The following CSMD3 variants were observed in gnomAD, a reference collection of about 807,000 sequenced individuals.
The protein encoded by CSMD3 is CUB and sushi domain-containing protein 3.
Under a neutral mutation model 435.2 loss-of-function variants are expected in CSMD3, and 177 were observed. The ratio of observed to expected loss-of-function variants is 0.41; its 90% confidence interval spans 0.36 to 0.46. CSMD3 has a LOEUF of 0.46. CSMD3 is among the 20% of genes least tolerant of loss of function. The pLI, the probability that CSMD3 is intolerant of heterozygous loss-of-function variation, is 0.34. For missense variants in CSMD3, 4,265 were observed against 4,504.6 expected, an observed-to-expected ratio of 0.95 and a Z score of 1.52; for synonymous variants, 1,656 against 1,520.5, an observed-to-expected ratio of 1.09 and a Z score of -2.07.
chr8:112,244,322 G>A (rs1814476800), intron 65 of CSMD3, 72 bp downstream of exon 65: 1 of 1,329,388 alleles, frequency 7.5e-7, no homozygotes, highest in Admixed American at 1.7e-5. Flanking sequence ...TTTGAGTTGA[G>A]TTTTTGTCTG....
intron 13 of CSMD3, among the ~76,000 whole-genome samples, chr8:112,703,285 G>T (rs571527476): frequency 4.6e-5 from 7 of 152,218 alleles, no homozygotes; most frequent in Non-Finnish European, 1.0e-4. Flanking sequence ...TGCAGGCAAA[G>T]AAATCAGAAG....
chr8:112,575,149 T>C (rs1446246748), intron 23 of CSMD3, among the ~76,000 whole-genome samples: 3 of 152,064 alleles, frequency 2.0e-5, no homozygotes, highest in African/African-American at 7.2e-5. Context: ...GTAACTTTAT[T>C]AGAATTTAAT....
At chr8:112,975,333 C>A (rs1183936595) in intron 7 of CSMD3, among the ~76,000 whole-genome samples, 2 of 152,014 alleles carry the variant, frequency 1.3e-5, no homozygotes, top group Non-Finnish European at 2.9e-5. Flanking sequence ...AAACGATCAC[C>A]AGATATAATG....
chr8:113,269,638 C>G (rs907483457), intron 3 of CSMD3, among the ~76,000 whole-genome samples: 2 of 151,854 alleles, frequency 1.3e-5, no homozygotes, highest in African/African-American at 4.8e-5. Context: ...CAGAACAGAG[C>G]CCTCAGAAAT....
intron 3 of CSMD3, among the ~76,000 whole-genome samples, chr8:113,218,795 T>A (rs1438441552): frequency 2.6e-5 from 4 of 151,310 alleles, no homozygotes; most frequent in Non-Finnish European, 5.9e-5. Flanking sequence ...CAGAAATGCT[T>A]CATATTTCAA....
intron 22 of CSMD3, among the ~76,000 whole-genome samples, chr8:112,630,921 A>G (rs186823424): frequency 1.5e-4 from 23 of 148,490 alleles, no homozygotes; most frequent in Admixed American, 1.4e-3. Flanking sequence ...GAATTATGTT[A>G]CCAACAAACT....
At chr8:112,246,369 G>A (rs964949281) in intron 64 of CSMD3, among the ~76,000 whole-genome samples, 5 of 152,078 alleles carry the variant, frequency 3.3e-5, no homozygotes, top group Admixed American at 3.3e-4. Flanking sequence ...AAACACAATT[G>A]AAAAGATAAG....
intron 4 of CSMD3, among the ~76,000 whole-genome samples, chr8:113,120,778 G>C (rs117800903): frequency 0.013 from 2,048 of 152,094 alleles, 30 homozygotes; most frequent in Non-Finnish European, 0.02. Context: ...ATGTGGTTAG[G>C]GAATACAAAC....
At chr8:113,294,818 C>T (rs903420652) in intron 2 of CSMD3, among the ~76,000 whole-genome samples, 1 of 151,862 alleles carries the variant, frequency 6.6e-6, no homozygotes, top group Non-Finnish European at 1.5e-5. Flanking sequence ...TACAGACTTG[C>T]GGAAGGAGAA....
chr8:113,079,868 CAA>C (rs1441044869), intron 5 of CSMD3, among the ~76,000 whole-genome samples: 4 of 152,120 alleles, frequency 2.6e-5, no homozygotes, highest in African/African-American at 9.7e-5. Context: ...ATAAAATACG[CAA>C]AGTCATATAA....
chr8:112,682,154 G>T lies in CSMD3; in HGVS notation c.2677+288C>A, dbSNP rs145774324. Among the ~76,000 whole-genome samples, 448 of 151,872 alleles carry T rather than the reference G, an allele frequency of 2.9e-3. 6 individuals carry two copies. The highest frequency in any genetic ancestry group is 0.013 in the East Asian group (69 of 5,154). ...AAGTGTATTAAACTATAACTAGGAA[G>T]TATACTATAGAGAGTTTACACATGT... On this transcript the variant is annotated intron_variant, in intron 16 of 70. Coordinates refer to ENST00000297405, the MANE Select transcript of CSMD3 (RefSeq NM_198123.2).
chr8:112,815,747 C>CAA (rs946838702), intron 12 of CSMD3, among the ~76,000 whole-genome samples: 2 of 151,952 alleles, frequency 1.3e-5, no homozygotes, highest in Admixed American at 1.3e-4. Context: ...ACCCTTTTTT[C>CAA]AGGGAAATCA....
chr8:112,302,772 A>G (rs1178279659), intron 52 of CSMD3, among the ~76,000 whole-genome samples: 1 of 151,902 alleles, frequency 6.6e-6, no homozygotes, highest in Non-Finnish European at 1.5e-5. Context: ...CAAGAGTTGC[A>G]TATCAAATTT....
At chr8:113,235,209 G>A (rs553089977) in intron 3 of CSMD3, among the ~76,000 whole-genome samples, 1 of 152,194 alleles carries the variant, frequency 6.6e-6, no homozygotes, top group South Asian at 2.1e-4. Context: ...ATTTAGGCAT[G>A]TTTCCTTCAT....
intron 28 of CSMD3, among the ~76,000 whole-genome samples, chr8:112,515,378 T>A (rs570639915): frequency 1.3e-4 from 20 of 152,256 alleles, no homozygotes; most frequent in African/African-American, 4.6e-4. Flanking sequence ...CAAATTCCAA[T>A]TAATTAGAAT....
At chr8:112,568,569 AAAAAG>A (rs1158645056) in intron 24 of CSMD3, among the ~76,000 whole-genome samples, 3 of 152,020 alleles carry the variant, frequency 2.0e-5, no homozygotes, top group African/African-American at 4.8e-5. Context: ...CTGAAAAAAA[AAAAAG>A]AAAAGAAAAG....
At chr8:112,609,010 T>C (rs1833017918) in intron 22 of CSMD3, among the ~76,000 whole-genome samples, 1 of 151,236 alleles carries the variant, frequency 6.6e-6, no homozygotes, top group Non-Finnish European at 1.5e-5. Context: ...TACATTAAAC[T>C]GAAAAGTTTC....
intron 10 of CSMD3, among the ~76,000 whole-genome samples, chr8:112,902,112 A>C (rs142350591): frequency 6.6e-6 from 1 of 151,306 alleles, no homozygotes; most frequent in Non-Finnish European, 1.5e-5. Context: ...TTTTTGAGCT[A>C]TAAGTGTCTG....
chr8:112,729,537 G>T (rs966259305), intron 13 of CSMD3, among the ~76,000 whole-genome samples: 7 of 152,180 alleles, frequency 4.6e-5, no homozygotes, highest in African/African-American at 1.7e-4. Flanking sequence ...TCTAGAATTT[G>T]CAAATGTTAA....
Sources: gnomAD v4.1 joint callset for allele counts (sites outside exome capture counted in the v4.1 genomes callset) on GRCh38, gnomAD v4.1.1 for gene constraint, MANE v1.5 for transcripts, NCBI Gene and HGNC (gene_info 2026-07-23, HGNC 2026-07-21) for gene names.